The following ICE2 variants were observed in gnomAD, a reference collection of about 807,000 sequenced individuals.
ICE2 encodes little elongation complex subunit 2.
Under a neutral mutation model 105.4 loss-of-function variants are expected in ICE2, and 87 were observed. The ratio of observed to expected loss-of-function variants is 0.83; its 90% CI spans 0.69 to 0.99. The LOEUF (loss-of-function observed/expected upper bound fraction) is 0.99, where lower values mean the gene tolerates loss of function less well. Among genes scored for constraint, ICE2 ranks in the 50% least tolerant of loss-of-function variants. The pLI is 0.00. For missense variants in ICE2, 1,323 were observed against 1,146.7 expected (o/e 1.15, Z -2.22); for synonymous variants, 399 against 392.0 (o/e 1.02, Z -0.21).
chr15:60,449,073 T>A lies in ICE2; in HGVS notation c.1894A>T (p.Lys632Ter). The A allele has an allele frequency of 6.2e-7, 1 of 1,613,724 alleles. No individual in the cohort carries two copies. Among genetic ancestry groups the A allele is most frequent in the Non-Finnish European group, 8.5e-7 (1 of 1,179,844 alleles). Residue 632 changes from lysine to a stop codon, truncating the protein, a stop_gained, in exon 10 of 16, where the codon AAA becomes TAA. Coordinates refer to ENST00000261520, the MANE Select transcript of ICE2 (RefSeq NM_024611.6). LOFTEE classifies it high-confidence loss of function. Reference protein sequence around the residue: ...ACSPEESCVLKKPIKRVYKKF... With the variant: ...ACSPEESCVL The stretch of plus-strand genomic sequence containing the variant: ...TTATATACTCGTTTGATAGGTTTTT[T>A]TAAAACACATGACTCTTCAGGACTA...
Position 60,423,687 on chromosome 15 carries a change from C to G in ICE2, c.2896G>C (p.Ala966Pro). The G allele has an allele frequency of 2.5e-6, 4 of 1,610,654 alleles. No individual in the cohort carries two copies. Among genetic ancestry groups the G allele is most frequent in the Non-Finnish European group, 3.4e-6 (4 of 1,179,286 alleles). The part of the protein sequence containing the change: ...SMETKSSCLP[A>P]QQVETEGVAP... The stretch of plus-strand genomic sequence containing the variant: ...ACTCCTTCAGTTTCAACTTGCTGAG[C>G]AGGCAAGCAACTGCTTTTGGTTTCC... Residue 966 changes from alanine (A) to proline (P), a missense_variant, in exon 16 of 16, where the codon GCT becomes CCT. Ala to Pro is a conservative substitution (Grantham distance 27). Transcript: ENST00000261520.
Position 60,448,946 on chromosome 15 carries a change from G to A in ICE2, c.2021C>T (p.Ser674Phe). 1 of 1,614,024 alleles carries A rather than the reference G, an allele frequency of 6.2e-7. No homozygotes were observed. The highest frequency in any genetic ancestry group is 8.5e-7 in the Non-Finnish European group (1 of 1,179,912). ...TTGCTCAGAAACAGAAGGCTGTTTA[G>A]AATTTTCTAAATTCATTAAGGGCAA... Reference protein sequence around the residue: ...PELPLMNLENSKQPSVSEQLS... With the variant: ...PELPLMNLENFKQPSVSEQLS... The change falls in exon 10 of 16, where the codon TCT (serine) becomes TTT (phenylalanine). Residue 674 changes from serine (S) to phenylalanine (F), a missense_variant. By Grantham distance (155) the Ser-to-Phe change is radical. Coordinates refer to ENST00000261520, the MANE Select transcript of ICE2 (RefSeq NM_024611.6).
chr15:60,462,940 G>A (rs1167192682), intron 5 of ICE2, among the ~76,000 whole-genome samples: 1 of 152,148 alleles, frequency 6.6e-6, no homozygotes, highest in Admixed American at 6.5e-5. Context: ...AACTTATGAA[G>A]GTTCCACTAA....
intron 3 of ICE2, among the ~76,000 whole-genome samples, chr15:60,475,217 C>G (rs968015869): frequency 6.6e-6 from 1 of 152,072 alleles, no homozygotes; most frequent in South Asian, 2.1e-4. Context: ...GATTCATCAA[C>G]AACAGAGTAG....
At chr15:60,442,250 A>T in intron 12 of ICE2, 166 bp downstream of exon 12, 1 of 575,232 alleles carries the variant, frequency 1.7e-6, no homozygotes, top group South Asian at 2.4e-5. Flanking sequence ...CTATGATCAC[A>T]TGACTATACT....
intron 13 of ICE2, among the ~76,000 whole-genome samples, chr15:60,435,361 A>G (rs2063560547): frequency 6.6e-6 from 1 of 151,872 alleles, no homozygotes; most frequent in Non-Finnish European, 1.5e-5. Flanking sequence ...GCACTTTGGG[A>G]GGCCGAGGCA....
At chr15:60,443,573 T>C (rs749221971) in intron 11 of ICE2, among the ~76,000 whole-genome samples, 2 of 152,240 alleles carry the variant, frequency 1.3e-5, no homozygotes, top group Admixed American at 6.5e-5. Flanking sequence ...CTTGTTAAAA[T>C]GTAGAATCTG....
intron 11 of ICE2, among the ~76,000 whole-genome samples, chr15:60,446,266 C>CA (rs1336753713): frequency 6.6e-6 from 1 of 152,204 alleles, no homozygotes; most frequent in Non-Finnish European, 1.5e-5. Context: ...TTATCAAGCA[C>CA]AAGTTCCACC....
At chr15:60,432,040 A>C in intron 13 of ICE2, 56 bp from the exon 14 acceptor site, 1 of 908,386 alleles carries the variant, frequency 1.1e-6, no homozygotes, top group Non-Finnish European at 1.8e-6. Context: ...TACTTTTAGC[A>C]ATTATAGCTC....
intron 9 of ICE2, chr15:60,453,215 G>A: frequency 1.0e-6 from 1 of 1,000,470 alleles, no homozygotes; most frequent in African/African-American, 1.7e-5. Flanking sequence ...CTGGGTGGCA[G>A]GGTGAGGTTC....
rs773814748 is a variant in ICE2, at chr15:60,449,206, A to G, written c.1761T>C (p.Asn587=). The G allele has an allele frequency of 6.2e-6, 10 of 1,614,044 alleles. No homozygotes were observed. In the Admixed American group the frequency reaches 1.7e-4, roughly 27 times the overall value. Reference sequence around the variant, plus strand: ...CCACAACAGCTGTCTTTCCATCACTATTATTTTTACATTCTGTATCAATGA... The same window carrying G: ...CCACAACAGCTGTCTTTCCATCACTGTTATTTTTACATTCTGTATCAATGA... ...CLIIDTECKN[N]SDGKTAVVGS... Residue 587 remains asparagine (N), a synonymous_variant, in exon 10 of 16, where the codon AAT becomes AAC. Transcript: ENST00000261520.
At chr15:60,478,258 A>G (rs879362850) in intron 1 of ICE2, among the ~76,000 whole-genome samples, 189 bp from the exon 2 acceptor site, 2 of 152,206 alleles carry the variant, frequency 1.3e-5, no homozygotes, top group Non-Finnish European at 2.9e-5. Flanking sequence ...TTTTCCATTT[A>G]ATCTACGCCG....
intron 3 of ICE2, among the ~76,000 whole-genome samples, chr15:60,475,789 T>C (rs536161261): frequency 3.3e-5 from 5 of 152,208 alleles, no homozygotes; most frequent in African/African-American, 1.2e-4. Flanking sequence ...TTTATTGGTA[T>C]AAATGTTTCC....
intron 5 of ICE2, 137 bp from the exon 6 acceptor site, chr15:60,456,931 C>G: frequency 2.6e-6 from 1 of 378,348 alleles, no homozygotes; most frequent in Non-Finnish European, 4.8e-6. Flanking sequence ...CTAATACACA[C>G]ATTGTATATT....
In ICE2 at chr15:60,448,138, T is replaced by G. The variant is rs774471966; in HGVS notation, c.2127A>C (p.Pro709=). ...CTTCAACATAGTCCTGAAGTTCATATGGCAATCCTTTAAAAATAGTATTTC... is the reference window on the plus strand; with the variant it reads ...CTTCAACATAGTCCTGAAGTTCATAGGGCAATCCTTTAAAAATAGTATTTC... ...SAFQKPKGRL[P]YELQDYVEDT... The change falls in exon 11 of 16, where the codon CCA becomes CCC. Residue 709 remains proline (P), a synonymous_variant. Transcript: ENST00000261520. 47 of 1,602,036 alleles carry G rather than the reference T, an allele frequency of 2.9e-5. No individual in the cohort carries two copies. Among genetic ancestry groups the G allele is most frequent in the Non-Finnish European group, 3.8e-5 (45 of 1,171,660 alleles).
intron 5 of ICE2, among the ~76,000 whole-genome samples, chr15:60,457,437 A>AAC (rs1013535494): frequency 6.6e-6 from 1 of 152,032 alleles, no homozygotes; most frequent in Non-Finnish European, 1.5e-5. Flanking sequence ...GTTTGATTAA[A>AAC]ACACACACAC....
At chr15:60,445,991 G>A (rs2063814256) in intron 11 of ICE2, among the ~76,000 whole-genome samples, 1 of 152,080 alleles carries the variant, frequency 6.6e-6, no homozygotes. Context: ...AGATGAGGCA[G>A]GAAAAATTAG....
At chr15:60,441,410 G>T (rs750590542) in intron 12 of ICE2, 7 of 152,162 alleles carry the variant, frequency 4.6e-5, no homozygotes, top group Non-Finnish European at 1.0e-4. Context: ...CTTTGATTAA[G>T]AAACACACCC....
At chr15:60,460,362 G>T (rs2064240860) in intron 5 of ICE2, among the ~76,000 whole-genome samples, 1 of 152,196 alleles carries the variant, frequency 6.6e-6, no homozygotes, top group Non-Finnish European at 1.5e-5. Flanking sequence ...GCTGGGTGTG[G>T]TAGCAGGTGC....
Sources: gnomAD v4.1 joint callset for allele counts (sites outside exome capture counted in the v4.1 genomes callset) on GRCh38, gnomAD v4.1.1 for gene constraint, MANE v1.5 for transcripts, NCBI Gene and HGNC (gene_info 2026-07-23, HGNC 2026-07-21) for gene names.